Variants in COX8C observed in about 807,000 individuals in gnomAD.
The protein encoded by COX8C is cytochrome c oxidase subunit 8C, mitochondrial.
COX8C carries 3 observed loss-of-function variants against 3.5 expected under a neutral mutation model. That is an observed-to-expected ratio of 0.86 (90% confidence interval 0.39 to 2.24). The LOEUF is 2.24. Among genes scored for constraint, COX8C ranks in the 30% most tolerant of loss-of-function variants. The probability of loss-of-function intolerance (pLI) is 0.05; values close to 1 mark genes in which losing one functional copy is unlikely to be tolerated. For synonymous variants in COX8C, 46 were observed against 44.1 expected (o/e 1.04, Z -0.17); for missense variants, 113 against 102.5 (o/e 1.10, Z -0.44).
rs1419722898 is a variant in COX8C at position 93,348,022 on chromosome 14, T to C, written c.127-6T>C. The C allele has an allele frequency of 6.3e-7, 1 of 1,594,096 alleles. No homozygotes were observed. Among genetic ancestry groups the C allele is most frequent in the East Asian group, 2.2e-5 (1 of 44,776 alleles). On this transcript the variant is annotated splice_region_variant and splice_polypyrimidine_tract_variant and intron_variant, in intron 1 of 1. Coordinates refer to ENST00000342144, the MANE Select transcript of COX8C (RefSeq NM_182971.3). Reference sequence around the variant, plus strand: ...ACTCAGCAGCGCGTGTCATCTTCTCTTCCAGGAAATGGCTGTTGGACTTGT... The same window carrying C: ...ACTCAGCAGCGCGTGTCATCTTCTCCTCCAGGAAATGGCTGTTGGACTTGT...
Position 93,347,265 on chromosome 14 carries a change from C to G in COX8C, c.-4C>G, listed in dbSNP as rs74529920. 3.0e-3 allele frequency: 4,829 copies of G among 1,602,226 alleles called. 135 individuals carry two copies. In the African/African-American group the frequency reaches 0.058, roughly 19 times the overall value. ...ACGCCTGGCTTTGTCTCACCTGACG[C>G]GATATGCCTCTCCTGCGTGGGCGCT... On this transcript the variant is annotated 5_prime_UTR_variant, in exon 1 of 2. Coordinates refer to ENST00000342144, the MANE Select transcript of COX8C (RefSeq NM_182971.3).
At position 93,347,494 on chromosome 14, in the gene COX8C, G is replaced by C; in HGVS notation, c.126+100G>C. On this transcript the variant is annotated intron_variant, in intron 1 of 1. Transcript: ENST00000342144. ...AGGGAGGACACGGCGTGCAGGCCTC[G>C]CGTGGGAGGCTCTTGTGGCTTGGTC... is the stretch of plus-strand genomic sequence containing the variant. The C allele has an allele frequency of 2.3e-6, 3 of 1,280,548 alleles. No homozygotes were observed. In the South Asian group the frequency reaches 5.4e-5, roughly 23 times the overall value. The allele number at this position is 1,280,548 out of a possible 1,614,324, so 79.3% of individuals were successfully genotyped here. A position where few individuals can be genotyped will look rare whatever the true frequency, so the allele number is the denominator to read the frequency against.
Position 93,347,351 on chromosome 14 carries a change from T to G in COX8C, c.83T>G (p.Phe28Cys), listed in dbSNP as rs777043642. ...ALLGLQPAPR[F>C]AHSGPPRQRP... ...CTCGGCCTGCAGCCCGCTCCCCGCT[T>G]CGCCCACTCGGGGCCCCCGCGCCAG... The change falls in exon 1 of 2, where the codon TTC becomes TGC. Residue 28 changes from phenylalanine (F) to cysteine (C), a missense_variant. By Grantham distance (205) the Phe-to-Cys change is radical. Transcript: ENST00000342144. The G allele has an allele frequency of 6.3e-7, 1 of 1,594,048 alleles. No individual in the cohort carries two copies. The highest frequency in any genetic ancestry group is 1.1e-5 in the South Asian group (1 of 90,230).
intron 1 of COX8C, 136 bp downstream of exon 1, chr14:93,347,530 G>A: frequency 9.0e-7 from 1 of 1,115,458 alleles, no homozygotes; most frequent in Non-Finnish European, 1.2e-6. Context: ...GCCGTTGGGG[G>A]AGGTTCCTGT....
intron 1 of COX8C, 73 bp from the exon 2 acceptor site, chr14:93,347,955 G>T: frequency 1.1e-6 from 1 of 882,428 alleles, no homozygotes. Flanking sequence ...TTTTTTTTAA[G>T]CACTTTTTGT....
chr14:93,347,416 A>T, intron 1 of COX8C, 22 bp downstream of exon 1: 1 of 1,473,044 alleles, frequency 6.8e-7, no homozygotes, highest in Non-Finnish European at 8.9e-7. Flanking sequence ...CCCAGCCATC[A>T]TGGTGGGCGG....
Position 93,348,353 on chromosome 14 carries a change from G to T in COX8C, c.*233G>T, listed in dbSNP as rs1245622622. The T allele has an allele frequency of 2.6e-5, 12 of 466,584 alleles. No individual in the cohort carries two copies. The highest frequency in any genetic ancestry group is 4.2e-5 in the Non-Finnish European group (11 of 262,960). 28.9% of individuals were successfully genotyped at this position (466,584 alleles called of 1,614,324 possible). On this transcript the variant is annotated 3_prime_UTR_variant, in exon 2 of 2. Transcript: ENST00000342144. ...AAACGGAAACACTTATTCGTGCTTG[G>T]TAATATGTGTGCAGATTATTTTCTA...
intron 1 of COX8C, 55 bp from the exon 2 acceptor site, chr14:93,347,973 C>A: frequency 9.5e-7 from 1 of 1,057,730 alleles, no homozygotes; most frequent in Non-Finnish European, 1.5e-6. Flanking sequence ...TGTTAGGCAG[C>A]AAGTCACTGG....
rs200838169 is a variant in COX8C, at chr14:93,347,311, C to T, written c.43C>T (p.Arg15Cys). The T allele has an allele frequency of 7.5e-6, 12 of 1,605,614 alleles. No individual in the cohort carries two copies. Among genetic ancestry groups the T allele is most frequent in the East Asian group, 2.2e-5 (1 of 44,716 alleles). The change falls in exon 1 of 2, where the codon CGC becomes TGC. Residue 15 changes from arginine (R) to cysteine (C), a missense_variant. Physicochemically the swap from Arg to Cys is radical, Grantham distance 180. Transcript: ENST00000342144. Reference sequence around the variant, plus strand: ...GCGCTGTCCTGCCCGCCGCCACTACCGCCGCTTGGCCCTGCTCGGCCTGCA... The same window carrying T: ...GCGCTGTCCTGCCCGCCGCCACTACTGCCGCTTGGCCCTGCTCGGCCTGCA... ...RGRCPARRHY[R>C]RLALLGLQPA...
Position 93,347,198 on chromosome 14 carries a change from C to G in COX8C, c.-71C>G, listed in dbSNP as rs1349688648. 2.7e-6 allele frequency: 4 copies of G among 1,502,782 alleles called. No individual in the cohort carries two copies. Among genetic ancestry groups the G allele is most frequent in the African/African-American group, 1.4e-5 (1 of 70,526 alleles). The allele number at this position is 1,502,782 out of a possible 1,614,324, so 93.1% of individuals were successfully genotyped here. The stretch of plus-strand genomic sequence containing the variant: ...GCGCAAACCAGCTGCCTCACGAGCA[C>G]TGGAGCTTGCGTTACTTGGCCTCAC... On this transcript the variant is annotated 5_prime_UTR_variant, in exon 1 of 2. Coordinates refer to ENST00000342144, the MANE Select transcript of COX8C (RefSeq NM_182971.3).
chr14:93,347,904 A>G (rs984381177), intron 1 of COX8C, 124 bp from the exon 2 acceptor site: 3 of 586,586 alleles, frequency 5.1e-6, no homozygotes, highest in Non-Finnish European at 9.3e-6. Context: ...AGATTTCACT[A>G]GGCGCCTGTT....
intron 1 of COX8C, among the ~76,000 whole-genome samples, 159 bp downstream of exon 1, chr14:93,347,553 T>G (rs1344525158): frequency 1.3e-5 from 2 of 151,156 alleles, no homozygotes; most frequent in East Asian, 1.9e-4. Context: ...CTTGGTCGCC[T>G]TTGGGGGAGG....
chr14:93,347,907 C>T (rs2053897389), intron 1 of COX8C, 121 bp from the exon 2 acceptor site: 2 of 591,616 alleles, frequency 3.4e-6, no homozygotes, highest in Non-Finnish European at 6.1e-6. Context: ...TTTCACTAGG[C>T]GCCTGTTTCT....
chr14:93,348,345 C>A lies in COX8C; in HGVS notation c.*225C>A. The A allele has an allele frequency of 2.1e-6, 1 of 475,976 alleles. No individual in the cohort carries two copies. Among genetic ancestry groups the A allele is most frequent in the Non-Finnish European group, 3.7e-6 (1 of 268,962 alleles). 29.5% of individuals were successfully genotyped at this position (475,976 alleles called of 1,614,324 possible). On this transcript the variant is annotated 3_prime_UTR_variant, in exon 2 of 2. Transcript: ENST00000342144. Reference sequence around the variant, plus strand: ...GTTAAATAAAACGGAAACACTTATTCGTGCTTGGTAATATGTGTGCAGATT... The same window carrying A: ...GTTAAATAAAACGGAAACACTTATTAGTGCTTGGTAATATGTGTGCAGATT...
chr14:93,347,496 G>GAGGCC, intron 1 of COX8C, 102 bp downstream of exon 1: 1 of 1,279,912 alleles, frequency 7.8e-7, no homozygotes, highest in Non-Finnish European at 1.0e-6. Flanking sequence ...CAGGCCTCGC[G>GAGGCC]TGGGAGGCTC....
chr14:93,348,039 T>G lies in COX8C; in HGVS notation c.138T>G (p.Val46=). The G allele has an allele frequency of 6.2e-7, 1 of 1,609,474 alleles. No individual in the cohort carries two copies. The highest frequency in any genetic ancestry group is 8.5e-7 in the Non-Finnish European group (1 of 1,175,752). Residue 46 remains valine, a synonymous_variant, in exon 2 of 2, where the codon GTT becomes GTG. Coordinates refer to ENST00000342144, the MANE Select transcript of COX8C (RefSeq NM_182971.3). ...ATCTTCTCTTCCAGGAAATGGCTGTTGGACTTGTGGTGTTTTTTACGACCT... is the reference window on the plus strand; with the variant it reads ...ATCTTCTCTTCCAGGAAATGGCTGTGGGACTTGTGGTGTTTTTTACGACCT... ...QRPLSAAEMA[V]GLVVFFTTFL...
At chr14:93,347,917 T>C in intron 1 of COX8C, 111 bp from the exon 2 acceptor site, 1 of 643,152 alleles carries the variant, frequency 1.6e-6, no homozygotes, top group Non-Finnish European at 2.8e-6. Context: ...CGCCTGTTTC[T>C]AGGACAACGG....
chr14:93,347,594 G>A (rs550350925), intron 1 of COX8C, among the ~76,000 whole-genome samples, 200 bp downstream of exon 1: 1 of 152,200 alleles, frequency 6.6e-6, no homozygotes, highest in South Asian at 2.1e-4. Flanking sequence ...TGAGGATGCC[G>A]TCGTCGGGCA....
chr14:93,348,165 A>G lies in COX8C; in HGVS notation c.*45A>G, dbSNP rs1282297913. The G allele has an allele frequency of 8.1e-7, 1 of 1,231,054 alleles. No individual in the cohort carries two copies. Among genetic ancestry groups the G allele is most frequent in the East Asian group, 2.3e-5 (1 of 42,850 alleles). 76.3% of individuals were successfully genotyped at this position (1,231,054 alleles called of 1,614,324 possible). A position where few individuals can be genotyped will look rare whatever the true frequency, so the allele number is the denominator to read the frequency against. ...AGCTGTTAACGTCCAAAAAACTTTC[A>G]GAAAAAGCTGTGTTTTTGTTAACGA... is the stretch of plus-strand genomic sequence containing the variant. On this transcript the variant is annotated 3_prime_UTR_variant, in exon 2 of 2. Transcript: ENST00000342144.
Sources: gnomAD v4.1 joint callset for allele counts (sites outside exome capture counted in the v4.1 genomes callset) on GRCh38, gnomAD v4.1.1 for gene constraint, MANE v1.5 for transcripts, NCBI Gene and HGNC (gene_info 2026-07-23, HGNC 2026-07-21) for gene names.